TBL1XR1: variants seen among roughly 807,000 people sequenced by gnomAD.
TBL1XR1 encodes F-box-like/WD repeat-containing protein TBL1XR1.
Under a neutral mutation model 66.9 loss-of-function variants are expected in TBL1XR1, and 5 were observed. The ratio of observed to expected loss-of-function variants is 0.07; its 90% CI spans 0.04 to 0.16. TBL1XR1 has a LOEUF of 0.16. Among genes scored for constraint, TBL1XR1 ranks in the 10% least tolerant of loss-of-function variants. TBL1XR1 has a pLI of 1.00. For synonymous variants in TBL1XR1, 210 were observed against 206.0 expected, an observed-to-expected ratio of 1.02 and a Z score of -0.17; for missense variants, 238 against 623.2, an observed-to-expected ratio of 0.38 and a Z score of 6.58.
intron 1 of TBL1XR1, chr3:177,131,312 A>G (rs533361060): frequency 1.0e-6 from 1 of 984,294 alleles, no homozygotes; most frequent in African/African-American, 1.7e-5. Flanking sequence ...CTTAAGAGAG[A>G]GTCCAGGAAA....
chr3:177,093,563 T>A (rs1191799362), intron 2 of TBL1XR1, among the ~76,000 whole-genome samples: 1 of 152,020 alleles, frequency 6.6e-6, no homozygotes, highest in Non-Finnish European at 1.5e-5. Context: ...CATTACCTGA[T>A]CTCAAACTAT....
At chr3:177,069,813 G>C (rs1394328029) in intron 2 of TBL1XR1, among the ~76,000 whole-genome samples, 1 of 131,752 alleles carries the variant, frequency 7.6e-6, no homozygotes, top group Non-Finnish European at 1.7e-5. Flanking sequence ...AGGAAGGAAG[G>C]AAGGAAGGAA....
intron 1 of TBL1XR1, among the ~76,000 whole-genome samples, chr3:177,127,556 A>ACTAGTATCAACAT (rs1163989786): frequency 6.6e-6 from 1 of 152,196 alleles, no homozygotes; most frequent in African/African-American, 2.4e-5. Flanking sequence ...TCATTAGACT[A>ACTAGTATCAACAT]CTAGTATCAA....
At chr3:177,076,757 G>A (rs1002351069) in intron 2 of TBL1XR1, among the ~76,000 whole-genome samples, 2 of 152,150 alleles carry the variant, frequency 1.3e-5, no homozygotes, top group Non-Finnish European at 2.9e-5. Context: ...TAACTATGAT[G>A]GCATCAACAC....
chr3:177,097,319 T>C (rs956462948), intron 2 of TBL1XR1, among the ~76,000 whole-genome samples: 1 of 152,206 alleles, frequency 6.6e-6, no homozygotes, highest in South Asian at 2.1e-4. Context: ...TAAAAATTCA[T>C]TTATCTTCTA....
chr3:177,027,429 T>C (rs1346696785), intron 14 of TBL1XR1: 1 of 152,220 alleles, frequency 6.6e-6, no homozygotes, highest in African/African-American at 2.4e-5. Context: ...CAGCTGCTAC[T>C]GAAGAATTAA....
upstream of TBL1XR1, among the ~76,000 whole-genome samples, chr3:177,199,239 A>G (rs1737286775): frequency 6.6e-6 from 1 of 152,224 alleles, no homozygotes; most frequent in Non-Finnish European, 1.5e-5. Flanking sequence ...TTTCCAAAAC[A>G]CTATGCAGAG....
intron 1 of TBL1XR1, among the ~76,000 whole-genome samples, chr3:177,185,152 GACT>G (rs1250510138): frequency 6.6e-6 from 1 of 152,032 alleles, no homozygotes; most frequent in East Asian, 1.9e-4. Flanking sequence ...TCTGACATCT[GACT>G]ACATAATCTA....
intron 10 of TBL1XR1, among the ~76,000 whole-genome samples, chr3:177,040,607 A>G (rs1386746939): frequency 6.6e-6 from 1 of 152,186 alleles, no homozygotes; most frequent in Non-Finnish European, 1.5e-5. Flanking sequence ...AGGACTCAGA[A>G]AGGAAATTTT....
intron 1 of TBL1XR1, among the ~76,000 whole-genome samples, chr3:177,105,006 A>G (rs994115181): frequency 3.9e-5 from 6 of 152,242 alleles, no homozygotes; most frequent in African/African-American, 1.2e-4. Flanking sequence ...ACATAAGTCA[A>G]GTGTATTACT....
chr3:177,196,931 G>T (rs1238958487), intron 1 of TBL1XR1, among the ~76,000 whole-genome samples, 190 bp downstream of exon 1: 1 of 151,756 alleles, frequency 6.6e-6, no homozygotes, highest in Non-Finnish European at 1.5e-5. Flanking sequence ...GGGGATGGGG[G>T]CGCCCCAAGT....
intron 2 of TBL1XR1, among the ~76,000 whole-genome samples, chr3:177,068,492 A>G (rs927469425): frequency 3.9e-5 from 6 of 152,240 alleles, no homozygotes; most frequent in Admixed American, 2.6e-4. Flanking sequence ...TTTGTAGCCA[A>G]TAATTCAGCA....
chr3:177,142,825 A>G (rs1729782463), intron 1 of TBL1XR1, among the ~76,000 whole-genome samples: 1 of 152,172 alleles, frequency 6.6e-6, no homozygotes, highest in African/African-American at 2.4e-5. Flanking sequence ...ACCAAAATTA[A>G]TACTTGCAGC....
chr3:177,100,576 C>A (rs1275598340), intron 1 of TBL1XR1, among the ~76,000 whole-genome samples: 1 of 152,030 alleles, frequency 6.6e-6, no homozygotes, highest in Non-Finnish European at 1.5e-5. Flanking sequence ...AGGTACAAGC[C>A]ACCACGCCTG....
chr3:177,070,845 CA>C (rs11425670), intron 2 of TBL1XR1, among the ~76,000 whole-genome samples: 4 of 144,788 alleles, frequency 2.8e-5, no homozygotes, highest in African/African-American at 5.1e-5. Context: ...GACTCCGTCT[CA>C]AAAAAAAAAT....
Position 177,038,308 on chromosome 3 carries a change from C to CT in TBL1XR1, c.1047+4dup. 5 of 1,595,472 alleles carry CT rather than the reference C, an allele frequency of 3.1e-6. No individual in the cohort carries two copies. The highest frequency in any genetic ancestry group is 4.3e-6 in the Non-Finnish European group (5 of 1,169,884). ...CCACTTTAATGTGGAAAAAAGGTTT[C>CT]TTACCGTATGTCCTTGGAATGTTTT... is the stretch of plus-strand genomic sequence containing the variant. On this transcript the variant is annotated splice_donor_region_variant and intron_variant, in intron 11 of 15. Coordinates refer to ENST00000457928, the MANE Select transcript of TBL1XR1 (RefSeq NM_024665.7).
rs1293502505 is a variant in TBL1XR1 at position 177,021,779 on chromosome 3, T to C, written c.*3719A>G. The C allele has an allele frequency of 1.3e-5, 2 of 152,614 alleles. No individual in the cohort carries two copies. The highest frequency in any genetic ancestry group is 4.8e-5 in the African/African-American group (2 of 41,474). 9.5% of individuals were successfully genotyped at this position (152,614 alleles called of 1,614,324 possible). On this transcript the variant is annotated 3_prime_UTR_variant, in exon 16 of 16. Transcript: ENST00000457928. ...ACAATGTTGGTCCACTGAAATAGGATTTCTGCGGAAACTGTCAACAGTAGT... is the reference window on the plus strand; with the variant it reads ...ACAATGTTGGTCCACTGAAATAGGACTTCTGCGGAAACTGTCAACAGTAGT...
In TBL1XR1 at chr3:177,025,439, G is replaced by A. The variant is rs1212576741; in HGVS notation, c.*59C>T. The A allele has an allele frequency of 6.3e-7, 1 of 1,585,628 alleles. No homozygotes were observed. The highest frequency in any genetic ancestry group is 1.3e-5 in the African/African-American group (1 of 74,350). On this transcript the variant is annotated 3_prime_UTR_variant, in exon 16 of 16. Transcript: ENST00000457928. The stretch of plus-strand genomic sequence containing the variant: ...GGACTATAGCAGTACATGGGTCAGG[G>A]ACAGTCATTTTGGCTATGTACACAT...
rs977013106 is a variant in TBL1XR1 at position 177,098,508 on chromosome 3, G to A, written c.-88C>T. On this transcript the variant is annotated 5_prime_UTR_variant, in exon 2 of 16. Transcript: ENST00000457928. ...TGTGGGGATGTGCAACTGAATATCCGGTCACCGCCAATCACAAGTTGCTGT... is the reference window on the plus strand; with the variant it reads ...TGTGGGGATGTGCAACTGAATATCCAGTCACCGCCAATCACAAGTTGCTGT... 2.2e-5 allele frequency: 22 copies of A among 985,768 alleles called. No individual in the cohort carries two copies. Among genetic ancestry groups the A allele is most frequent in the Non-Finnish European group, 2.7e-5 (22 of 829,918 alleles). The allele number at this position is 985,768 out of a possible 1,614,324, so 61.1% of individuals were successfully genotyped here.
Sources: gnomAD v4.1 joint callset for allele counts (sites outside exome capture counted in the v4.1 genomes callset) on GRCh38, gnomAD v4.1.1 for gene constraint, MANE v1.5 for transcripts, NCBI Gene and HGNC (gene_info 2026-07-23, HGNC 2026-07-21) for gene names.